The following ABCB4 variants were observed in gnomAD, a reference collection of about 807,000 sequenced individuals.
ABCB4 encodes the protein phosphatidylcholine translocator ABCB4.
ABCB4 carries 76 observed loss-of-function variants against 145.7 expected under a neutral mutation model. The ratio of observed to expected loss-of-function variants is 0.52; its 90% CI spans 0.43 to 0.63. The LOEUF (loss-of-function observed/expected upper bound fraction) is 0.63, where lower values mean the gene tolerates loss of function less well. ABCB4 is among the 30% of genes least tolerant of loss of function. The pLI is 0.00. For synonymous variants in ABCB4, 517 were observed against 566.8 expected (o/e 0.91, Z 1.25); for missense variants, 1,234 against 1,553.1 (o/e 0.79, Z 3.45).
intron 21 of ABCB4, among the ~76,000 whole-genome samples, chr7:87,415,237 C>A (rs1464404998): frequency 2.0e-5 from 3 of 152,016 alleles, no homozygotes; most frequent in African/African-American, 7.3e-5. Context: ...GTAACCAACA[C>A]CCTCACTACC....
At chr7:87,422,418 G>A (rs189135020) in intron 17 of ABCB4, among the ~76,000 whole-genome samples, 193 bp from the exon 18 acceptor site, 11 of 152,244 alleles carry the variant, frequency 7.2e-5, no homozygotes, top group Non-Finnish European at 8.8e-5. Context: ...ATTCAGTGGC[G>A]TTAAGTACAG....
intron 16 of ABCB4, among the ~76,000 whole-genome samples, chr7:87,424,397 C>G (rs1261998650): frequency 2.0e-5 from 3 of 152,210 alleles, no homozygotes; most frequent in Non-Finnish European, 1.5e-5. Context: ...GTGTGACAGT[C>G]ATGGCTGGAC....
intron 24 of ABCB4, among the ~76,000 whole-genome samples, chr7:87,408,956 G>A (rs1808410630): frequency 6.6e-6 from 1 of 151,912 alleles, no homozygotes; most frequent in South Asian, 2.1e-4. Context: ...ATACCTTTAT[G>A]TAGAAATGAC....
At chr7:87,398,292 C>G (rs776745655), downstream of ABCB4, 37 of 658,342 alleles carry the variant, frequency 5.6e-5, no homozygotes, top group Non-Finnish European at 1.0e-4. Context: ...AGGGCTCTAG[C>G]TAATTTGTTC....
intron 21 of ABCB4, among the ~76,000 whole-genome samples, 196 bp downstream of exon 21, chr7:87,417,113 TCAA>T (rs145993557): frequency 4.3e-4 from 66 of 152,352 alleles, no homozygotes; most frequent in African/African-American, 1.5e-3. Flanking sequence ...TTCTATAGGC[TCAA>T]CGTTTTATGT....
Position 87,402,117 on chromosome 7 carries a change from C to T in ABCB4, c.3819G>A (p.Gln1273=), listed in dbSNP as rs997915795. 10 of 1,614,092 alleles carry T rather than the reference C, an allele frequency of 6.2e-6. No individual in the cohort carries two copies. Among genetic ancestry groups the T allele is most frequent in the Non-Finnish European group, 7.6e-6 (9 of 1,180,030 alleles). ...AAGTTCATAAGTTCTGTGTCCCAGC[C>T]TGGACACTGACCATTGAAAAATAGA... ...KGIYFSMVSV[Q]AGTQNL Residue 1273 remains glutamine, a synonymous_variant, in exon 28 of 28, where the codon CAG becomes CAA. Coordinates refer to ENST00000649586, the MANE Select transcript of ABCB4 (RefSeq NM_000443.4).
At chr7:87,457,750 T>A (rs1812194945) in intron 4 of ABCB4, among the ~76,000 whole-genome samples, 1 of 152,250 alleles carries the variant, frequency 6.6e-6, no homozygotes, top group Admixed American at 6.5e-5. Context: ...GACTTGCTCA[T>A]GGTCACACAG....
At chr7:87,399,883 C>T (rs1430814377), downstream of ABCB4, 2 of 152,148 alleles carry the variant, frequency 1.3e-5, no homozygotes, top group Non-Finnish European at 2.9e-5. Context: ...TATTGTTTCT[C>T]ATTACTTTGT....
At chr7:87,423,632 G>T (rs1031525033) in intron 17 of ABCB4, 28 of 441,984 alleles carry the variant, frequency 6.3e-5, no homozygotes, top group Non-Finnish European at 1.1e-4. Flanking sequence ...GGGGATCATT[G>T]TCTGACACCA....
chr7:87,410,248 T>C (rs192620750), intron 23 of ABCB4, among the ~76,000 whole-genome samples: 13 of 152,320 alleles, frequency 8.5e-5, no homozygotes. Context: ...ATACCAGCAC[T>C]ACCCCAGAGA....
chr7:87,421,533 T>G (rs927687500), intron 18 of ABCB4, among the ~76,000 whole-genome samples: 1 of 152,228 alleles, frequency 6.6e-6, no homozygotes, highest in African/African-American at 2.4e-5. Context: ...AAGAGAAGCA[T>G]GCTGGCATGA....
At chr7:87,461,631 A>G (rs902517083) in intron 4 of ABCB4, among the ~76,000 whole-genome samples, 2 of 152,238 alleles carry the variant, frequency 1.3e-5, no homozygotes, top group African/African-American at 4.8e-5. Flanking sequence ...TTTATTATAA[A>G]GAGGTTTTTT....
At chr7:87,384,806 G>C in the ABCB4 span, among the ~76,000 whole-genome samples, 1 of 152,132 alleles carries the variant, frequency 6.6e-6, no homozygotes, top group Non-Finnish European at 1.5e-5. Flanking sequence ...GTCTTACAGA[G>C]CATCCTCAAT....
chr7:87,412,804 C>T (rs1808713949), intron 22 of ABCB4, among the ~76,000 whole-genome samples: 1 of 152,142 alleles, frequency 6.6e-6, no homozygotes, highest in Non-Finnish European at 1.5e-5. Context: ...ATTAGCTTCA[C>T]CTTTCTATTC....
intron 14 of ABCB4, among the ~76,000 whole-genome samples, chr7:87,433,650 A>T (rs1359944415): frequency 6.7e-6 from 1 of 148,228 alleles, no homozygotes; most frequent in Non-Finnish European, 1.5e-5. Context: ...GCCAAAGTAG[A>T]GCTTTGACAC....
chr7:87,408,090 T>G lies in ABCB4; in HGVS notation c.3226A>C (p.Ser1076Arg). 6.2e-7 allele frequency: 1 copy of G among 1,614,218 alleles called. No individual in the cohort carries two copies. The highest frequency in any genetic ancestry group is 8.5e-7 in the Non-Finnish European group (1 of 1,180,032). The change falls in exon 25 of 28, where the codon AGC becomes CGC. Residue 1076 changes from serine to arginine, a missense_variant. This residue lies in a region of ABCB4 where 301 missense variants were observed against 389.0 expected (regional missense o/e 0.77). Coordinates refer to ENST00000649586, the MANE Select transcript of ABCB4 (RefSeq NM_000443.4). ...ALVGSSGCGK[S>R]TVVQLLERFY... ...CGCTCCAGGAGCTGGACCACCGTGC[T>G]CTTCCCACAGCCACTGCTGCCCACC... is the stretch of plus-strand genomic sequence containing the variant.
At chr7:87,412,636 A>C (rs1382351747) in intron 22 of ABCB4, among the ~76,000 whole-genome samples, 1 of 152,222 alleles carries the variant, frequency 6.6e-6, no homozygotes, top group Admixed American at 6.5e-5. Flanking sequence ...AAAGAACTAT[A>C]ATTGAGTTAC....
chr7:87,421,118 A>G (rs535440105), intron 18 of ABCB4, among the ~76,000 whole-genome samples: 1 of 152,212 alleles, frequency 6.6e-6, no homozygotes, highest in African/African-American at 2.4e-5. Context: ...TACCACATCC[A>G]AACTGGAGAG....
In ABCB4 at chr7:87,451,653, A is replaced by T; in HGVS notation, c.678T>A (p.Ile226=). 6.2e-7 allele frequency: 1 copy of T among 1,614,186 alleles called. No individual in the cohort carries two copies. The highest frequency in any genetic ancestry group is 1.3e-5 in the African/African-American group (1 of 75,062). ...CCCAAACGGCTGCAGAGAGTCCTAG[A>T]ATAGGGCTGATGGCCATTATCACAA... ...LTLVIMAISP[I]LGLSAAVWAK... The change falls in exon 7 of 28, where the codon ATT becomes ATA. Residue 226 remains isoleucine, a synonymous_variant. Coordinates refer to ENST00000649586, the MANE Select transcript of ABCB4 (RefSeq NM_000443.4).
Sources: gnomAD v4.1 joint callset for allele counts (sites outside exome capture counted in the v4.1 genomes callset) on GRCh38, gnomAD v4.1.1 for gene constraint, gnomAD v4.1.1 regional missense constraint, MANE v1.5 for transcripts, NCBI Gene and HGNC (gene_info 2026-07-23, HGNC 2026-07-21) for gene names.